The following DSC3 variants were observed in gnomAD, a reference collection of about 807,000 sequenced individuals.
DSC3 encodes the protein desmocollin-3.
A neutral mutation model predicts 89.5 loss-of-function variants in DSC3; 97 were observed. That is an observed-to-expected ratio of 1.08 (90% CI 0.92 to 1.28). The LOEUF is 1.28. Ranked by LOEUF, DSC3 falls within the 50% of genes most tolerant of loss-of-function variation. DSC3 has a pLI of 0.00. For synonymous variants in DSC3, 436 were observed against 384.1 expected (o/e 1.14, Z -1.58); for missense variants, 1,199 against 1,085.3 (o/e 1.10, Z -1.47).
chr18:31,031,910 G>T (rs751073290), intron 2 of DSC3, among the ~76,000 whole-genome samples: 1 of 152,076 alleles, frequency 6.6e-6, no homozygotes. Flanking sequence ...CCTCTCAAAG[G>T]GTTCATTTGC....
intron 13 of DSC3, 25 bp from the exon 14 acceptor site, chr18:31,001,764 T>G: frequency 6.5e-7 from 1 of 1,542,014 alleles, no homozygotes; most frequent in East Asian, 2.3e-5. Flanking sequence ...AAAAATAAAA[T>G]AACTTACTTT....
At chr18:31,010,259 G>A (rs1476003009) in intron 9 of DSC3, among the ~76,000 whole-genome samples, 1 of 151,966 alleles carries the variant, frequency 6.6e-6, no homozygotes, top group African/African-American at 2.4e-5. Context: ...GAGAGTCAAG[G>A]AAAAAAATAT....
rs73952551 is a variant in DSC3 at position 31,017,854 on chromosome 18, C to T, written c.1263+217G>A. On this transcript the variant is annotated intron_variant, in intron 9 of 15. Coordinates refer to ENST00000360428, the MANE Select transcript of DSC3 (RefSeq NM_001941.5). ...AGTGGCCAATGGAGCTATGGAGATC[C>T]TTATAAATGAGAATGTTCAAGCAGA... Among the ~76,000 whole-genome samples the T allele has an allele frequency of 2.1e-3, 317 of 152,112 alleles. 2 individuals carry two copies. Among genetic ancestry groups the T allele is most frequent in the African/African-American group, 7.3e-3 (303 of 41,512 alleles).
rs981698263 is a variant in DSC3 at position 30,991,291 on chromosome 18, A to T, written c.*2884T>A. On this transcript the variant is annotated 3_prime_UTR_variant, in exon 16 of 16. Transcript: ENST00000360428. ...AACATTCTGTATATTTACATAAAAA[A>T]TTCTAAATCATTCACTGGGGGAAAA... 1 of 152,670 alleles carries T rather than the reference A, an allele frequency of 6.6e-6. No individual in the cohort carries two copies. Among genetic ancestry groups the T allele is most frequent in the Admixed American group, 6.5e-5 (1 of 15,286 alleles). 9.5% of individuals were successfully genotyped at this position (152,670 alleles called of 1,614,324 possible).
intron 1 of DSC3, among the ~76,000 whole-genome samples, chr18:31,037,553 T>C (rs1986010158): frequency 6.6e-6 from 1 of 152,206 alleles, no homozygotes; most frequent in African/African-American, 2.4e-5. Flanking sequence ...TCTTTTTTCC[T>C]TGTAACATTC....
intron 1 of DSC3, among the ~76,000 whole-genome samples, chr18:31,033,882 G>C (rs1332193789): frequency 1.1e-4 from 17 of 152,296 alleles, no homozygotes. Context: ...GGAGTGCAGT[G>C]GCACGATCTA....
chr18:31,008,956 T>G (rs889502380), intron 9 of DSC3, among the ~76,000 whole-genome samples: 9 of 152,220 alleles, frequency 5.9e-5, no homozygotes, highest in African/African-American at 2.2e-4. Context: ...TTTATAACTC[T>G]TGTAAAGTTT....
intron 1 of DSC3, among the ~76,000 whole-genome samples, chr18:31,041,105 C>T (rs1986115827): frequency 6.6e-6 from 1 of 152,170 alleles, no homozygotes; most frequent in South Asian, 2.1e-4. Context: ...GACACCCCCA[C>T]CCATGCCTTG....
At chr18:31,036,444 A>C (rs1985970794) in intron 1 of DSC3, among the ~76,000 whole-genome samples, 1 of 151,868 alleles carries the variant, frequency 6.6e-6, no homozygotes, top group Non-Finnish European at 1.5e-5. Flanking sequence ...TTTAACTTTT[A>C]TTATGAAATC....
chr18:30,998,187 C>A (rs1365155273), intron 14 of DSC3, among the ~76,000 whole-genome samples: 1 of 152,054 alleles, frequency 6.6e-6, no homozygotes, highest in Non-Finnish European at 1.5e-5. Context: ...CTGATCTGAT[C>A]TGATATTCCA....
At chr18:31,007,472 A>G (rs1984892285) in intron 11 of DSC3, among the ~76,000 whole-genome samples, 1 of 152,174 alleles carries the variant, frequency 6.6e-6, no homozygotes, top group Non-Finnish European at 1.5e-5. Context: ...TTCTAATCCC[A>G]GTATATATTC....
At position 30,989,715 on chromosome 18, in the gene DSC3, G is replaced by A. The variant is rs151020491; in HGVS notation, c.*4460C>T. Among the ~76,000 whole-genome samples the A allele has an allele frequency of 8.2e-4, 125 of 152,224 alleles. No individual in the cohort carries two copies. The highest frequency in any genetic ancestry group is 2.8e-3 in the African/African-American group (118 of 41,540). ...AATAAACTGTCGAATACAGAAGCCC[G>A]TAAACATGTTCTGAATACTATTTAA... On this transcript the variant is annotated 3_prime_UTR_variant, in exon 16 of 16. Coordinates refer to ENST00000360428, the MANE Select transcript of DSC3 (RefSeq NM_001941.5).
rs538050930 is a variant in DSC3, at chr18:31,001,785, G to A, written c.2114-46C>T. On this transcript the variant is annotated intron_variant, in intron 13 of 15. Coordinates refer to ENST00000360428, the MANE Select transcript of DSC3 (RefSeq NM_001941.5). Reference sequence around the variant, plus strand: ...AAAATAACTTACTTTAGCATACATAGAATAAAATAATCATCATTTATTTCT... The same window carrying A: ...AAAATAACTTACTTTAGCATACATAAAATAAAATAATCATCATTTATTTCT... 1,028 of 1,408,998 alleles carry A rather than the reference G, an allele frequency of 7.3e-4. 16 individuals are homozygous for A. In the South Asian group the frequency reaches 0.014, roughly 19 times the overall value. 87.3% of individuals were successfully genotyped at this position (1,408,998 alleles called of 1,614,324 possible). A position where few individuals can be genotyped will look rare whatever the true frequency, so the allele number is the denominator to read the frequency against.
At chr18:30,995,374 G>T (rs1984419930) in intron 15 of DSC3, among the ~76,000 whole-genome samples, 1 of 152,120 alleles carries the variant, frequency 6.6e-6, no homozygotes, top group Non-Finnish European at 1.5e-5. Flanking sequence ...ATTAACACTT[G>T]AATTTGACCC....
chr18:31,000,204 T>A (rs1289446493), intron 14 of DSC3, among the ~76,000 whole-genome samples: 1 of 152,142 alleles, frequency 6.6e-6, no homozygotes, highest in East Asian at 1.9e-4. Flanking sequence ...GGATATGTAG[T>A]CGTTGTCCCT....
At chr18:31,016,051 A>G (rs541909666) in intron 9 of DSC3, among the ~76,000 whole-genome samples, 1 of 152,168 alleles carries the variant, frequency 6.6e-6, no homozygotes, top group Non-Finnish European at 1.5e-5. Flanking sequence ...CAGCGCCATG[A>G]TGGTTTACAA....
rs985846080 is a variant in DSC3, at chr18:30,993,469, C to G, written c.*706G>C. The G allele has an allele frequency of 5.9e-5, 9 of 152,188 alleles. No individual in the cohort carries two copies. Among genetic ancestry groups the G allele is most frequent in the Non-Finnish European group, 7.3e-5 (5 of 68,046 alleles). The allele number at this position is 152,188 out of a possible 1,614,324, so 9.4% of individuals were successfully genotyped here. On this transcript the variant is annotated 3_prime_UTR_variant, in exon 16 of 16. Transcript: ENST00000360428. ...ATAATGCAGCATTTAAGAGCCCAGG[C>G]CTAGGAAGCTCTCTCTTTTTTCTAT... is the stretch of plus-strand genomic sequence containing the variant.
At chr18:31,023,466 A>C (rs767264808) in intron 6 of DSC3, among the ~76,000 whole-genome samples, 2 of 152,178 alleles carry the variant, frequency 1.3e-5, no homozygotes, top group Non-Finnish European at 2.9e-5. Flanking sequence ...TTTAAAAAGA[A>C]ACAAAACTAG....
chr18:31,035,133 T>A (rs768768991), intron 1 of DSC3, among the ~76,000 whole-genome samples: 1 of 152,072 alleles, frequency 6.6e-6, no homozygotes, highest in Non-Finnish European at 1.5e-5. Flanking sequence ...TCTGATATAA[T>A]CAAATATGAA....
Sources: allele counts gnomAD v4.1 joint callset (sites outside exome capture counted in the v4.1 genomes callset), GRCh38; gene constraint gnomAD v4.1.1; transcripts MANE v1.5; gene names NCBI Gene and HGNC (gene_info 2026-07-23, HGNC 2026-07-21).